The following SLC7A6 variants were observed in gnomAD, a reference collection of about 807,000 sequenced individuals.
The protein encoded by SLC7A6 is Y+L amino acid transporter 2.
Under a neutral mutation model 46.6 loss-of-function variants are expected in SLC7A6, and 29 were observed. The ratio of observed to expected loss-of-function variants is 0.62; its 90% CI spans 0.46 to 0.85. The LOEUF (loss-of-function observed/expected upper bound fraction) is 0.85, where lower values mean the gene tolerates loss of function less well. SLC7A6 is among the 40% of genes least tolerant of loss of function. SLC7A6 has a pLI of 0.00. For missense variants in SLC7A6, 527 were observed against 647.6 expected, an observed-to-expected ratio of 0.81 and a Z score of 2.02; for synonymous variants, 276 against 257.3, an observed-to-expected ratio of 1.07 and a Z score of -0.70.
intron 1 of SLC7A6, chr16:68,265,839 G>A (rs954605141): frequency 6.6e-6 from 1 of 152,074 alleles, no homozygotes; most frequent in Non-Finnish European, 1.5e-5. Context: ...TCCCTATTTG[G>A]CCGTGGATGT....
chr16:68,282,526 G>A (rs2042846922), intron 3 of SLC7A6, among the ~76,000 whole-genome samples: 1 of 152,186 alleles, frequency 6.6e-6, no homozygotes, highest in South Asian at 2.1e-4. Context: ...CCATTTGGAA[G>A]GGTTTACCTC....
In SLC7A6 at chr16:68,301,366, C is replaced by T. The variant is rs765813443; in HGVS notation, c.*4038C>T. 6.2e-7 allele frequency: 1 copy of T among 1,614,124 alleles called. No individual in the cohort carries two copies. Among genetic ancestry groups the T allele is most frequent in the Non-Finnish European group, 8.5e-7 (1 of 1,180,002 alleles). ...GCTCCACATCCGCTGTCTGCTGCTGCCTCTTTCCTCCTCACTCAGGCTGTT... is the reference window on the plus strand; with the variant it reads ...GCTCCACATCCGCTGTCTGCTGCTGTCTCTTTCCTCCTCACTCAGGCTGTT... On this transcript the variant is annotated 3_prime_UTR_variant, in exon 11 of 11. Transcript: ENST00000219343.
At position 68,296,497 on chromosome 16, in the gene SLC7A6, G is replaced by A. The variant is rs774734396; in HGVS notation, c.1253G>A (p.Arg418Gln). The change falls in exon 9 of 11, where the codon CGG becomes CAG. Residue 418 changes from arginine (R) to glutamine (Q), a missense_variant. Transcript: ENST00000219343. ...TACCTCCGCTGGAAGGAGCCCAAGC[G>A]GCCCCGGCCTCTCAAGGTCAGCAGC... Reference protein sequence around the residue: ...QLYLRWKEPKRPRPLKLSVFF... With the variant: ...QLYLRWKEPKQPRPLKLSVFF... 1.2e-5 allele frequency: 20 copies of A among 1,614,154 alleles called. No individual in the cohort carries two copies. The East Asian group carries it at 2.0e-4, about 16-fold the overall frequency.
At chr16:68,278,214 C>G (rs1192940984) in intron 3 of SLC7A6, among the ~76,000 whole-genome samples, 1 of 152,144 alleles carries the variant, frequency 6.6e-6, no homozygotes, top group East Asian at 1.9e-4. Context: ...TTTGGCCTCC[C>G]AAAGTGCTGG....
chr16:68,291,504 G>A, intron 6 of SLC7A6, 54 bp from the exon 7 acceptor site: 1 of 1,593,282 alleles, frequency 6.3e-7, no homozygotes, highest in Non-Finnish European at 8.6e-7. Flanking sequence ...CATAGATGCA[G>A]GAGGATTATG....
At position 68,298,578 on chromosome 16, in the gene SLC7A6, TG is replaced by T. The variant is rs1343616026; in HGVS notation, c.*1252del. 2 of 152,300 alleles carry T rather than the reference TG, an allele frequency of 1.3e-5. No individual in the cohort carries two copies. The highest frequency in any genetic ancestry group is 2.4e-5 in the African/African-American group (1 of 41,450). The allele number at this position is 152,300 out of a possible 1,614,324, so 9.4% of individuals were successfully genotyped here. On this transcript the variant is annotated 3_prime_UTR_variant, in exon 11 of 11. Transcript: ENST00000219343. ...CAGCCTCCCCTTCCCCGAGGTGTGGTGGCTGCAGTCTCAGGAAGAGCTTGGT... is the reference window on the plus strand; with the variant it reads ...CAGCCTCCCCTTCCCCGAGGTGTGGTGCTGCAGTCTCAGGAAGAGCTTGGT...
rs765103009 is a variant in SLC7A6 at position 68,297,880 on chromosome 16, A to C, written c.*552A>C. 3.3e-5 allele frequency: 5 copies of C among 152,728 alleles called. No individual in the cohort carries two copies. The highest frequency in any genetic ancestry group is 5.9e-5 in the Non-Finnish European group (4 of 68,126). The allele number at this position is 152,728 out of a possible 1,614,324, so 9.5% of individuals were successfully genotyped here. On this transcript the variant is annotated 3_prime_UTR_variant, in exon 11 of 11. Transcript: ENST00000219343. ...TCTAACGAAGCATGCGTGTCTCTTC[A>C]TCTACAGGATGCAATAGGCTGATTG... is the stretch of plus-strand genomic sequence containing the variant.
intron 2 of SLC7A6, among the ~76,000 whole-genome samples, chr16:68,267,206 A>ATTTTT (rs1189220005): frequency 9.1e-5 from 8 of 87,666 alleles, no homozygotes; most frequent in African/African-American, 1.8e-4. Context: ...ATTGTGGTGG[A>ATTTTT]TTTTTTTTTT....
At chr16:68,291,422 C>A in intron 6 of SLC7A6, 90 bp downstream of exon 6, 1 of 1,586,772 alleles carries the variant, frequency 6.3e-7, no homozygotes, top group South Asian at 1.1e-5. Context: ...CCCTCCTCAG[C>A]TCTGCAGGAT....
At chr16:68,274,434 G>C (rs2042673296) in intron 2 of SLC7A6, among the ~76,000 whole-genome samples, 1 of 152,182 alleles carries the variant, frequency 6.6e-6, no homozygotes, top group African/African-American at 2.4e-5. Context: ...CCTATTCTGG[G>C]CTGCAGGACA....
chr16:68,280,976 G>A (rs973171558), intron 3 of SLC7A6, among the ~76,000 whole-genome samples: 8 of 152,094 alleles, frequency 5.3e-5, no homozygotes, highest in East Asian at 1.9e-4. Context: ...CTCGTGATCC[G>A]CCCACCTCGG....
chr16:68,291,442 AGTCTAGGCCAGAGGGTGG>A, intron 6 of SLC7A6, 98 bp from the exon 7 acceptor site: 1 of 1,575,928 alleles, frequency 6.3e-7, no homozygotes, highest in African/African-American at 1.3e-5. Context: ...TGAGGTCATG[AGTCTAGGCCAGAGGGTGG>A]GCTGCTTAGC....
Position 68,296,830 on chromosome 16 carries a change from A to G in SLC7A6, c.1453+20A>G, listed in dbSNP as rs1862366151. The G allele has an allele frequency of 1.9e-6, 3 of 1,612,930 alleles. No homozygotes were observed. Among genetic ancestry groups the G allele is most frequent in the East Asian group, 2.2e-5 (1 of 44,870 alleles). On this transcript the variant is annotated intron_variant, in intron 10 of 10. Coordinates refer to ENST00000219343, the MANE Select transcript of SLC7A6 (RefSeq NM_003983.6). ...TCCTGGGTGAGCTTCTCTGTGCCCC[A>G]TTACTCACTGGCGGCTATGTGTGCA...
chr16:68,269,291 GTTGT>G (rs1387675109), intron 2 of SLC7A6, among the ~76,000 whole-genome samples: 1 of 152,116 alleles, frequency 6.6e-6, no homozygotes, highest in African/African-American at 2.4e-5. Flanking sequence ...TTGATAGTGG[GTTGT>G]TTTTCTTGCT....
intron 3 of SLC7A6, chr16:68,287,449 C>T (rs2151225801): frequency 7.5e-7 from 1 of 1,333,146 alleles, no homozygotes; most frequent in Non-Finnish European, 9.8e-7. Flanking sequence ...GGTGAAATCA[C>T]CCATCCCTGG....
In SLC7A6 at chr16:68,296,675, G is replaced by A; in HGVS notation, c.1318G>A (p.Val440Met). 6.2e-7 allele frequency: 1 copy of A among 1,614,146 alleles called. No homozygotes were observed. Among genetic ancestry groups the A allele is most frequent in the South Asian group, 1.1e-5 (1 of 91,076 alleles). The change falls in exon 10 of 11, where the codon GTG becomes ATG. Residue 440 changes from valine (V) to methionine (M), a missense_variant. Transcript: ENST00000219343. The part of the protein sequence containing the change: ...IVFCICSVFL[V>M]IVPLFTDTIN... ...GTTCTGCATATGCTCCGTGTTTCTG[G>A]TGATAGTGCCCCTCTTCACTGACAC... is the stretch of plus-strand genomic sequence containing the variant.
At position 68,294,695 on chromosome 16, in the gene SLC7A6, A is replaced by C; in HGVS notation, c.1023-10A>C. On this transcript the variant is annotated splice_polypyrimidine_tract_variant and intron_variant, in intron 7 of 10. Transcript: ENST00000219343. The stretch of plus-strand genomic sequence containing the variant: ...AAAGGATCCTGCTGACACATTTCTC[A>C]TCCTTCTAGGTTGTTCTTCGTGGGC... 6.3e-7 allele frequency: 1 copy of C among 1,594,214 alleles called. No homozygotes were observed. The highest frequency in any genetic ancestry group is 1.3e-5 in the African/African-American group (1 of 74,620).
In SLC7A6 at chr16:68,296,795, ATTCGGAATGTCCTGGGTGAGC is replaced by A; in HGVS notation, c.1442_1453+9del. On this transcript the variant is annotated splice_donor_variant and splice_donor_5th_base_variant and coding_sequence_variant and intron_variant, in exon 10 of 11. Coordinates refer to ENST00000219343, the MANE Select transcript of SLC7A6 (RefSeq NM_003983.6). LOFTEE classifies it high-confidence loss of function. Reference sequence around the variant, plus strand: ...GCCAGAGTCCCGGAGGCCATTGTTTATTCGGAATGTCCTGGGTGAGCTTCTCTGTGCCCCATTACTCACTGG... The same window carrying A: ...GCCAGAGTCCCGGAGGCCATTGTTTATTCTCTGTGCCCCATTACTCACTGG... The A allele has an allele frequency of 6.2e-7, 1 of 1,613,900 alleles. No individual in the cohort carries two copies. Among genetic ancestry groups the A allele is most frequent in the Non-Finnish European group, 8.5e-7 (1 of 1,179,984 alleles).
In SLC7A6 at chr16:68,300,166, A is replaced by G. The variant is rs1270439035; in HGVS notation, c.*2838A>G. The G allele has an allele frequency of 6.6e-6, 1 of 152,228 alleles. No individual in the cohort carries two copies. The highest frequency in any genetic ancestry group is 1.5e-5 in the Non-Finnish European group (1 of 68,046). 9.4% of individuals were successfully genotyped at this position (152,228 alleles called of 1,614,324 possible). Reference sequence around the variant, plus strand: ...AGCTACTAGCCACGTGTAGCTAATTACATTAAAATGAAATAAAATTAAAAG... The same window carrying G: ...AGCTACTAGCCACGTGTAGCTAATTGCATTAAAATGAAATAAAATTAAAAG... On this transcript the variant is annotated 3_prime_UTR_variant, in exon 11 of 11. Transcript: ENST00000219343.
Sources: allele counts gnomAD v4.1 joint callset (sites outside exome capture counted in the v4.1 genomes callset), GRCh38; gene constraint gnomAD v4.1.1; transcripts MANE v1.5; gene names NCBI Gene and HGNC (gene_info 2026-07-23, HGNC 2026-07-21).